PER3: variants seen among roughly 807,000 people sequenced by gnomAD.
PER3 encodes the protein period circadian regulator 3.
PER3 carries 107 observed loss-of-function variants against 127.2 expected under a neutral mutation model. The ratio of observed to expected loss-of-function variants is 0.84; its 90% confidence interval spans 0.72 to 0.99. The LOEUF (loss-of-function observed/expected upper bound fraction) is 0.99, where lower values mean the gene tolerates loss of function less well. Ranked by LOEUF, PER3 falls within the 50% of genes least tolerant of loss-of-function variation. The pLI is 0.00. For missense variants in PER3, 1,560 were observed against 1,525.8 expected (o/e 1.02, Z -0.37); for synonymous variants, 618 against 585.8 (o/e 1.05, Z -0.79).
At chr1:7,816,778 A>G (rs2097253618) in intron 13 of PER3, among the ~76,000 whole-genome samples, 1 of 152,252 alleles carries the variant, frequency 6.6e-6, no homozygotes, top group Non-Finnish European at 1.5e-5. Context: ...CCATAAAGTT[A>G]GACATACTCT....
intron 13 of PER3, among the ~76,000 whole-genome samples, chr1:7,812,669 C>T (rs554004984): frequency 1.1e-4 from 17 of 149,596 alleles, no homozygotes; most frequent in East Asian, 7.8e-4. Context: ...CAGGTAACTC[C>T]GTGTGCTTAT....
chr1:7,808,838 C>A, intron 10 of PER3, 55 bp from the exon 11 acceptor site: 1 of 915,620 alleles, frequency 1.1e-6, no homozygotes, highest in Non-Finnish European at 1.8e-6. Context: ...TATTAAAAAT[C>A]ACTTTCGACT....
In PER3 at chr1:7,801,199, C is replaced by G. The variant is rs906200715; in HGVS notation, c.872+8C>G. 6.9e-7 allele frequency: 1 copy of G among 1,459,312 alleles called. No individual in the cohort carries two copies. The highest frequency in any genetic ancestry group is 9.5e-7 in the Non-Finnish European group (1 of 1,053,228). 90.4% of individuals were successfully genotyped at this position (1,459,312 alleles called of 1,614,324 possible). On this transcript the variant is annotated splice_region_variant and intron_variant, in intron 8 of 21. Coordinates refer to ENST00000377532, the MANE Select transcript of PER3 (RefSeq NM_001377275.1). Reference sequence around the variant, plus strand: ...TCTTGAAGTAGATGAAAAGTAAGTACTTCTTTAAGCCTAAAAGAAATTTGT... The same window carrying G: ...TCTTGAAGTAGATGAAAAGTAAGTAGTTCTTTAAGCCTAAAAGAAATTTGT...
intron 10 of PER3, among the ~76,000 whole-genome samples, chr1:7,808,506 T>C (rs933505823): frequency 2.0e-5 from 3 of 152,184 alleles, no homozygotes; most frequent in Non-Finnish European, 2.9e-5. Context: ...ACATTAAATG[T>C]TGTTTGGAAA....
rs566823331 is a variant in PER3 at position 7,844,662 on chromosome 1, C to T, written c.*1907C>T. The T allele has an allele frequency of 6.5e-6, 1 of 152,852 alleles. No homozygotes were observed. Among genetic ancestry groups the T allele is most frequent in the Non-Finnish European group, 1.5e-5 (1 of 68,024 alleles). 9.5% of individuals were successfully genotyped at this position (152,852 alleles called of 1,614,324 possible). On this transcript the variant is annotated 3_prime_UTR_variant, in exon 22 of 22. Coordinates refer to ENST00000377532, the MANE Select transcript of PER3 (RefSeq NM_001377275.1). The stretch of plus-strand genomic sequence containing the variant: ...CACGTTTTATGGAGTACTTGTTATA[C>T]TAGGTTTGATTTGAAACTGGTGCTT...
rs228655 is a variant in PER3 at position 7,836,157 on chromosome 1, G to A, written c.3398+212G>A. 7.3e-5 allele frequency among the ~76,000 whole-genome samples: 11 copies of A among 151,568 alleles called. 1 individual carries two copies. Among genetic ancestry groups the A allele is most frequent in the Non-Finnish European group, 1.3e-4 (9 of 67,920 alleles). On this transcript the variant is annotated intron_variant, in intron 20 of 21. Coordinates refer to ENST00000377532, the MANE Select transcript of PER3 (RefSeq NM_001377275.1). The stretch of plus-strand genomic sequence containing the variant: ...GAATTATAGATGTGCACCACCATGC[G>A]TGTCTAATTTTTGTATTTTTAGTAG...
At position 7,819,156 on chromosome 1, in the gene PER3, T is replaced by C. The variant is rs182232177; in HGVS notation, c.1523-129T>C. On this transcript the variant is annotated intron_variant, in intron 13 of 21. Transcript: ENST00000377532. The stretch of plus-strand genomic sequence containing the variant: ...GTGCATTTTAGATCTGCACTCATTT[T>C]TAATAGCCGCATGATATTCTGTTGA... 2.2e-4 allele frequency: 159 copies of C among 721,258 alleles called. No homozygotes were observed. In the African/African-American group the frequency reaches 2.6e-3, roughly 12 times the overall value. The allele number at this position is 721,258 out of a possible 1,614,324, so 44.7% of individuals were successfully genotyped here.
chr1:7,791,762 G>A (rs904710713), intron 5 of PER3, among the ~76,000 whole-genome samples: 2 of 152,130 alleles, frequency 1.3e-5, no homozygotes, highest in Non-Finnish European at 2.9e-5. Flanking sequence ...CAAGTTCAAA[G>A]TTCCACAGAT....
intron 4 of PER3, 45 bp from the exon 5 acceptor site, chr1:7,788,000 A>G (rs1305399046): frequency 2.2e-6 from 3 of 1,355,280 alleles, no homozygotes; most frequent in East Asian, 2.3e-5. Context: ...GAATATTGCT[A>G]GTGAGTATCT....
chr1:7,808,232 C>CAAAAAAAAAAAAA (rs60220289), intron 10 of PER3, among the ~76,000 whole-genome samples: 1 of 97,726 alleles, frequency 1.0e-5, no homozygotes, highest in Non-Finnish European at 2.1e-5. Flanking sequence ...GACTCTGTCT[C>CAAAAAAAAAAAAA]AAAAAAAAAA....
intron 10 of PER3, among the ~76,000 whole-genome samples, chr1:7,804,950 C>T (rs1053519914): frequency 6.6e-6 from 1 of 151,400 alleles, no homozygotes; most frequent in Non-Finnish European, 1.5e-5. Flanking sequence ...CTCACTGCAA[C>T]TTCCGCCTCC....
chr1:7,812,935 A>T (rs1374952856), intron 13 of PER3, among the ~76,000 whole-genome samples: 1 of 152,224 alleles, frequency 6.6e-6, no homozygotes, highest in Non-Finnish European at 1.5e-5. Flanking sequence ...TTATAATTTA[A>T]ATGTTAGAAA....
At position 7,832,971 on chromosome 1, in the gene PER3, G is replaced by A. The variant is rs948350409; in HGVS notation, c.3215-2791G>A. Among the ~76,000 whole-genome samples, 5 of 151,830 alleles carry A rather than the reference G, an allele frequency of 3.3e-5. No individual in the cohort carries two copies. The South Asian group carries it at 1.0e-3, about 32-fold the overall frequency. On this transcript the variant is annotated intron_variant, in intron 19 of 21. Coordinates refer to ENST00000377532, the MANE Select transcript of PER3 (RefSeq NM_001377275.1). The stretch of plus-strand genomic sequence containing the variant: ...TCTGGCCTCAGCTTCCTGAGTAGCT[G>A]GAACTGCAGGCATATGCCAGTGTAC...
At chr1:7,824,133 C>T (rs1184679057) in intron 16 of PER3, among the ~76,000 whole-genome samples, 1 of 151,972 alleles carries the variant, frequency 6.6e-6, no homozygotes, top group South Asian at 2.1e-4. Flanking sequence ...AAAAACGGGG[C>T]TTGTAAGAAG....
chr1:7,827,693 C>T lies in PER3; in HGVS notation c.2764C>T (p.His922Tyr). The change falls in exon 18 of 22, where the codon CAC (histidine) becomes TAC (tyrosine). Residue 922 changes from histidine (H) to tyrosine (Y), a missense_variant. His to Tyr is a moderately conservative substitution (Grantham distance 83, BLOSUM62 2). Transcript: ENST00000377532. Reference sequence around the variant, plus strand: ...AAAGTGGGAGGCACAAAGCGAGGGGCACCCGTTCATTACTTCGAGAAGCAG... The same window carrying T: ...AAAGTGGGAGGCACAAAGCGAGGGGTACCCGTTCATTACTTCGAGAAGCAG... Reference protein sequence around the residue: ...EEKWEAQSEGHPFITSRSSSP... With the variant: ...EEKWEAQSEGYPFITSRSSSP... 6.2e-7 allele frequency: 1 copy of T among 1,614,138 alleles called. No homozygotes were observed. Among genetic ancestry groups the T allele is most frequent in the Admixed American group, 1.7e-5 (1 of 60,024 alleles).
intron 8 of PER3, 77 bp downstream of exon 8, chr1:7,801,268 G>T: frequency 4.8e-6 from 4 of 828,670 alleles, no homozygotes; most frequent in Non-Finnish European, 8.0e-6. Context: ...CATTATGTTT[G>T]CATGTTTATA....
In PER3 at chr1:7,803,039, T is replaced by A. The variant is rs2097177243; in HGVS notation, c.873-8T>A. On this transcript the variant is annotated splice_region_variant and splice_polypyrimidine_tract_variant and intron_variant, in intron 8 of 21. Coordinates refer to ENST00000377532, the MANE Select transcript of PER3 (RefSeq NM_001377275.1). ...GTATGCCACCTGTGTTGTGTATCTG[T>A]ATCCCAGAGCAGTGCCTTTGCTGGG... 6.7e-7 allele frequency: 1 copy of A among 1,499,456 alleles called. No individual in the cohort carries two copies. The highest frequency in any genetic ancestry group is 9.3e-7 in the Non-Finnish European group (1 of 1,075,256). 92.9% of individuals were successfully genotyped at this position (1,499,456 alleles called of 1,614,324 possible). A position where few individuals can be genotyped will look rare whatever the true frequency, so the allele number is the denominator to read the frequency against.
intron 5 of PER3, among the ~76,000 whole-genome samples, chr1:7,791,781 CAGG>C (rs2097122646): frequency 6.6e-6 from 1 of 152,204 alleles, no homozygotes; most frequent in African/African-American, 2.4e-5. Flanking sequence ...ATCTCTAGGC[CAGG>C]AGCAAAAGTT....
Position 7,819,296 on chromosome 1 carries a change from A to C in PER3, c.1534A>C (p.Thr512Pro). 1 of 1,613,542 alleles carries C rather than the reference A, an allele frequency of 6.2e-7. No individual in the cohort carries two copies. The highest frequency in any genetic ancestry group is 8.5e-7 in the Non-Finnish European group (1 of 1,179,548). Residue 512 changes from threonine (T) to proline (P), a missense_variant, in exon 14 of 22, where the codon ACC becomes CCC. Thr to Pro is a conservative substitution (Grantham distance 38). This residue lies in a region of PER3 where 1,332 missense variants were observed against 1,223.6 expected (regional missense o/e 1.09). Coordinates refer to ENST00000377532, the MANE Select transcript of PER3 (RefSeq NM_001377275.1). ...TTATTCTGTTTCAGGTGAATGTAAG[A>C]CCTTTACTTCCTTCCACCAAACACT... ...ESANGGGECKTFTSFHQTLKN... is the reference protein window; with the variant it reads ...ESANGGGECKPFTSFHQTLKN...
Sources: gnomAD v4.1 joint callset for allele counts (sites outside exome capture counted in the v4.1 genomes callset) on GRCh38, gnomAD v4.1.1 for gene constraint, gnomAD v4.1.1 regional missense constraint, MANE v1.5 for transcripts, NCBI Gene and HGNC (gene_info 2026-07-23, HGNC 2026-07-21) for gene names.